KANSL1L: variants seen among roughly 807,000 people sequenced by gnomAD.
KANSL1L encodes the protein KAT8 regulatory NSL complex subunit 1 like, also known as KAT8 regulatory NSL complex subunit 1-like protein.
A neutral mutation model predicts 108.6 loss-of-function variants in KANSL1L; 25 were observed. The ratio of observed to expected loss-of-function variants is 0.23; its 90% CI spans 0.17 to 0.32. KANSL1L has a LOEUF of 0.32. Ranked by LOEUF, KANSL1L falls within the 10% of genes least tolerant of loss-of-function variation. The pLI is 1.00. For missense variants in KANSL1L, 1,137 were observed against 1,125.7 expected (o/e 1.01, Z -0.14); for synonymous variants, 405 against 395.1 (o/e 1.03, Z -0.30).
chr2:210,081,250 G>A (rs1472946689), intron 5 of KANSL1L, among the ~76,000 whole-genome samples: 1 of 152,018 alleles, frequency 6.6e-6, no homozygotes, highest in Non-Finnish European at 1.5e-5. Context: ...CTTTCCTTAG[G>A]TTGACATTTC....
At chr2:210,053,584 G>A (rs1050951282) in intron 6 of KANSL1L, among the ~76,000 whole-genome samples, 3 of 151,920 alleles carry the variant, frequency 2.0e-5, no homozygotes, top group East Asian at 1.9e-4. Flanking sequence ...GAAATAAACC[G>A]AGATTCATGT....
chr2:210,144,275 TATA>T (rs1339624971), intron 2 of KANSL1L, among the ~76,000 whole-genome samples: 2 of 152,218 alleles, frequency 1.3e-5, no homozygotes, highest in African/African-American at 4.8e-5. Flanking sequence ...ACAGTTTGAC[TATA>T]ATATGTTGTA....
intron 5 of KANSL1L, chr2:210,079,734 T>C (rs1356796428): frequency 1.6e-5 from 2 of 126,776 alleles, no homozygotes; most frequent in African/African-American, 3.0e-5. Flanking sequence ...ATGGTTATCA[T>C]TGTACTTCTA....
At chr2:210,156,667 A>G (rs1016604175) in intron 1 of KANSL1L, among the ~76,000 whole-genome samples, 1 of 152,128 alleles carries the variant, frequency 6.6e-6, no homozygotes, top group African/African-American at 2.4e-5. Context: ...TGAACCAGAA[A>G]AATACCTACC....
chr2:210,116,049 G>C (rs76556517), intron 3 of KANSL1L, among the ~76,000 whole-genome samples: 2,201 of 152,316 alleles, frequency 0.014, 63 homozygotes, highest in African/African-American at 0.05. Context: ...GTCCAGAGGG[G>C]AGCCCACTGT....
chr2:210,030,028 G>A (rs2093992940), intron 9 of KANSL1L, 110 bp from the exon 10 acceptor site: 1 of 491,328 alleles, frequency 2.0e-6, no homozygotes, highest in African/African-American at 2.0e-5. Context: ...GTGTGTGTGT[G>A]TTTAAATTCG....
At position 210,031,325 on chromosome 2, in the gene KANSL1L, T is replaced by G. The variant is rs535373890; in HGVS notation, c.2155+96A>C. On this transcript the variant is annotated intron_variant, in intron 9 of 14. Coordinates refer to ENST00000281772, the MANE Select transcript of KANSL1L (RefSeq NM_152519.4). ...AGATGTTTTGTGTTATTAGTGGCTG[T>G]TCTGGATTATAAACTCCCATGAGAG... 435 of 797,166 alleles carry G rather than the reference T, an allele frequency of 5.5e-4. 23 individuals carry two copies. The highest frequency in any genetic ancestry group is 8.6e-5 in the Non-Finnish European group (43 of 497,326). 49.4% of individuals were successfully genotyped at this position (797,166 alleles called of 1,614,324 possible). A position where few individuals can be genotyped will look rare whatever the true frequency, so the allele number is the denominator to read the frequency against.
intron 6 of KANSL1L, among the ~76,000 whole-genome samples, chr2:210,068,277 ATTAAG>A (rs1347106843): frequency 2.0e-5 from 3 of 152,144 alleles, no homozygotes; most frequent in Non-Finnish European, 2.9e-5. Flanking sequence ...CCTATTTTTA[ATTAAG>A]TTATCTCTTT....
chr2:210,129,077 T>C lies in KANSL1L; in HGVS notation c.1184A>G (p.Lys395Arg). 4 of 1,613,998 alleles carry C rather than the reference T, an allele frequency of 2.5e-6. No homozygotes were observed. Among genetic ancestry groups the C allele is most frequent in the Non-Finnish European group, 3.4e-6 (4 of 1,179,898 alleles). ...GTGAATGTCTGTTAGTTGTTGGATT[T>C]TGCATTCTAGGTCTGAAATCTGAGC... ...LQAQISDLEC[K>R]IQQLTDIHRQ... is the part of the protein sequence containing the mutation. Residue 395 changes from lysine (K) to arginine (R), a missense_variant, in exon 3 of 15, where the codon AAA (lysine) becomes AGA (arginine). By Grantham distance (26) the Lys-to-Arg change is conservative (BLOSUM62 2). Around this residue, in one of 3 missense-constraint regions of KANSL1L, gnomAD observed 556 missense variants for 537.7 expected, o/e 1.03. Transcript: ENST00000281772.
chr2:210,157,811 G>T, intron 1 of KANSL1L, among the ~76,000 whole-genome samples: 1 of 148,276 alleles, frequency 6.7e-6, no homozygotes, highest in East Asian at 2.1e-4. Flanking sequence ...AGGACTTCCA[G>T]ACCAGCCTGG....
intron 6 of KANSL1L, among the ~76,000 whole-genome samples, chr2:210,050,937 G>T (rs1183755289): frequency 6.6e-6 from 1 of 151,990 alleles, no homozygotes; most frequent in East Asian, 1.9e-4. Flanking sequence ...TAGAGACAGG[G>T]TTTCCCCATG....
chr2:210,070,545 T>C (rs2094500416), intron 6 of KANSL1L, among the ~76,000 whole-genome samples: 1 of 152,150 alleles, frequency 6.6e-6, no homozygotes, highest in Admixed American at 6.5e-5. Flanking sequence ...CTTTCTCTTA[T>C]AAGGACGCCA....
At chr2:210,084,105 C>A (rs2094613933) in intron 5 of KANSL1L, among the ~76,000 whole-genome samples, 1 of 152,056 alleles carries the variant, frequency 6.6e-6, no homozygotes, top group East Asian at 1.9e-4. Flanking sequence ...AAATGACATT[C>A]TTTAAAAATA....
chr2:210,118,582 C>T (rs1036618833), intron 3 of KANSL1L, among the ~76,000 whole-genome samples: 3 of 151,158 alleles, frequency 2.0e-5, no homozygotes, highest in African/African-American at 7.3e-5. Context: ...CATGGTGGCT[C>T]GTACCTGTAA....
At chr2:210,063,138 G>T (rs2094436124) in intron 6 of KANSL1L, among the ~76,000 whole-genome samples, 1 of 152,220 alleles carries the variant, frequency 6.6e-6, no homozygotes, top group African/African-American at 2.4e-5. Context: ...TCAATGTAGA[G>T]CTCAGGCTGT....
intron 1 of KANSL1L, among the ~76,000 whole-genome samples, chr2:210,163,469 G>C (rs1425038024): frequency 6.6e-6 from 1 of 152,108 alleles, no homozygotes; most frequent in Non-Finnish European, 1.5e-5. Context: ...AAAGGAAAGA[G>C]AACAAAGATG....
intron 7 of KANSL1L, among the ~76,000 whole-genome samples, chr2:210,041,084 A>G (rs1175955971): frequency 1.3e-5 from 2 of 152,220 alleles, no homozygotes; most frequent in South Asian, 4.1e-4. Context: ...CACAATGAAT[A>G]TACTTTTATA....
At chr2:210,026,919 C>T (rs2093946075) in intron 12 of KANSL1L, among the ~76,000 whole-genome samples, 1 of 152,030 alleles carries the variant, frequency 6.6e-6, no homozygotes, top group Non-Finnish European at 1.5e-5. Flanking sequence ...TACAGGTGCC[C>T]ACCACCACGC....
chr2:210,127,958 AT>A (rs2095084374), intron 3 of KANSL1L, among the ~76,000 whole-genome samples: 1 of 152,058 alleles, frequency 6.6e-6, no homozygotes, highest in Admixed American at 6.6e-5. Context: ...AAGGACTTGA[AT>A]AAGTACTTCT....
Sources: allele counts gnomAD v4.1 joint callset (sites outside exome capture counted in the v4.1 genomes callset), GRCh38; gene constraint gnomAD v4.1.1; regional missense constraint gnomAD v4.1.1; transcripts MANE v1.5; gene names NCBI Gene and HGNC (gene_info 2026-07-23, HGNC 2026-07-21).